ABL1: variants seen among roughly 807,000 people sequenced by gnomAD.
The protein encoded by ABL1 is tyrosine-protein kinase ABL1.
Under a neutral mutation model 94.7 loss-of-function variants are expected in ABL1, and 11 were observed. The ratio of observed to expected loss-of-function variants is 0.12; its 90% CI spans 0.07 to 0.19. The LOEUF (loss-of-function observed/expected upper bound fraction) is 0.19. Ranked by LOEUF, ABL1 falls within the 10% of genes least tolerant of loss-of-function variation. The pLI, the probability that ABL1 is intolerant of heterozygous loss-of-function variation, is 1.00. For missense variants in ABL1, 1,082 were observed against 1,489.4 expected (o/e 0.73, Z 4.50); for synonymous variants, 656 against 622.4 (o/e 1.05, Z -0.80).
rs575584641 is a variant in ABL1 at position 130,820,199 on chromosome 9, T to A, written c.137-33865T>A. ...TTCTTAACATTTTGATCTTAAGCAA[T>A]TTACCATGATACTTGGTTTCCATGA... On this transcript the variant is annotated intron_variant, in intron 1 of 10. Coordinates refer to the ABL1 transcript ENST00000372348. 8.5e-5 allele frequency among the ~76,000 whole-genome samples: 13 copies of A among 152,288 alleles called. No individual in the cohort carries two copies. In the South Asian group the frequency reaches 2.7e-3, roughly 32 times the overall value.
intron 1 of ABL1, among the ~76,000 whole-genome samples, chr9:130,768,908 T>C (rs563909686): frequency 1.6e-4 from 25 of 152,186 alleles, no homozygotes; most frequent in Non-Finnish European, 2.8e-4. Flanking sequence ...GATTGATGTG[T>C]TCAATGTGTT....
At chr9:130,764,515 T>C (rs919119102) in intron 1 of ABL1, among the ~76,000 whole-genome samples, 1 of 152,222 alleles carries the variant, frequency 6.6e-6, no homozygotes, top group Non-Finnish European at 1.5e-5. Context: ...CTCCTTCTGA[T>C]ATATGCATTC....
intron 3 of ABL1, among the ~76,000 whole-genome samples, chr9:130,859,923 C>T (rs550936615): frequency 1.3e-5 from 2 of 152,138 alleles, no homozygotes; most frequent in South Asian, 4.2e-4. Flanking sequence ...TCGTGATCTG[C>T]CCTCCTTGGC....
Position 130,714,150 on chromosome 9 carries a change from A to C in ABL1, c.-170A>C, listed in dbSNP as rs1831406300. The C allele has an allele frequency of 1.3e-5, 7 of 548,340 alleles. No homozygotes were observed. The Admixed American group carries it at 1.7e-4, about 13-fold the overall frequency. The allele number at this position is 548,340 out of a possible 1,614,324, so 34.0% of individuals were successfully genotyped here. Reference sequence around the variant, plus strand: ...TGCTTGCAAGTGTCAACCTAAAAAAAGTGCTTCCTTTTGTTATGGAAGATG... The same window carrying C: ...TGCTTGCAAGTGTCAACCTAAAAAACGTGCTTCCTTTTGTTATGGAAGATG... On this transcript the variant is annotated 5_prime_UTR_variant, in exon 1 of 11. Coordinates refer to the ABL1 transcript ENST00000372348.
At position 130,863,737 on chromosome 9, in the gene ABL1, C is replaced by T. The variant is rs1398842304; in HGVS notation, c.822+702C>T. Among the ~76,000 whole-genome samples the T allele has an allele frequency of 1.3e-5, 2 of 152,186 alleles. No homozygotes were observed. The highest frequency in any genetic ancestry group is 2.9e-5 in the Non-Finnish European group (2 of 68,038). The stretch of plus-strand genomic sequence containing the variant: ...GCCAAGGGAAGGAAGTTTTCATTTT[C>T]AGCCCTTTGCATTCTTCAAAATGTG... On this transcript the variant is annotated intron_variant, in intron 4 of 10. Coordinates refer to ENST00000318560, the MANE Select transcript of ABL1 (RefSeq NM_005157.6). This position sits in a 1 kb window ranked among gnomAD's most constrained non-coding sequence, Gnocchi z 4.3.
At chr9:130,881,688 G>C (rs1473760014) in intron 10 of ABL1, among the ~76,000 whole-genome samples, 1 of 152,094 alleles carries the variant, frequency 6.6e-6, no homozygotes, top group African/African-American at 2.4e-5. Context: ...TATTGGAGGT[G>C]GGGGGTAGGC....
intron 1 of ABL1, among the ~76,000 whole-genome samples, chr9:130,812,469 A>G (rs1320779110): frequency 1.3e-5 from 2 of 152,218 alleles, no homozygotes; most frequent in Non-Finnish European, 2.9e-5. Flanking sequence ...GAATATAAAA[A>G]TACAAATACG....
intron 1 of ABL1, among the ~76,000 whole-genome samples, chr9:130,737,170 G>A (rs10793967): frequency 0.32 from 49,029 of 152,010 alleles, 11,578 homozygotes; most frequent in African/African-American, 0.65. Context: ...GAAAACGACT[G>A]TTGAAATAGG....
At chr9:130,799,206 G>A (rs1385197861) in intron 1 of ABL1, among the ~76,000 whole-genome samples, 1 of 152,152 alleles carries the variant, frequency 6.6e-6, no homozygotes, top group Non-Finnish European at 1.5e-5. Flanking sequence ...TGGCCTCTTG[G>A]AGGTGTTTGC....
intron 1 of ABL1, among the ~76,000 whole-genome samples, chr9:130,784,048 T>C (rs1201781234): frequency 6.6e-6 from 1 of 152,192 alleles, no homozygotes; most frequent in Admixed American, 6.5e-5. Flanking sequence ...CCCATCTTGC[T>C]AGTTTCTTCT....
intron 1 of ABL1, among the ~76,000 whole-genome samples, chr9:130,735,945 A>ATG (rs1831731556): frequency 1.3e-5 from 1 of 78,266 alleles, no homozygotes; most frequent in East Asian, 6.7e-4. Flanking sequence ...ATATATATAT[A>ATG]TATATATATA....
chr9:130,729,834 C>G (rs1464880396), intron 1 of ABL1, among the ~76,000 whole-genome samples: 1 of 151,252 alleles, frequency 6.6e-6, no homozygotes, highest in Non-Finnish European at 1.5e-5. Flanking sequence ...CTCCTGGGTT[C>G]AAGCGATTCT....
At chr9:130,724,195 G>A (rs1014428913) in intron 1 of ABL1, among the ~76,000 whole-genome samples, 3 of 152,102 alleles carry the variant, frequency 2.0e-5, no homozygotes, top group African/African-American at 7.2e-5. Flanking sequence ...CTGCAGCCTC[G>A]AACTCCTCAA....
rs200035602 is a variant in ABL1 at position 130,872,822 on chromosome 9, G to A, written c.908-38G>A. The A allele has an allele frequency of 1.2e-5, 19 of 1,583,772 alleles. No individual in the cohort carries two copies. Among genetic ancestry groups the A allele is most frequent in the South Asian group, 4.5e-5 (4 of 87,920 alleles). On this transcript the variant is annotated intron_variant, in intron 5 of 10. Transcript: ENST00000318560. The surrounding 1 kb of genome is among the most constrained non-coding windows in gnomAD (Gnocchi z 5.0). ...GACAGTTGTTTGTTCAGTTGGGAGC[G>A]GAGCCACGTGTTGAAGTCCTCGTTG... is the stretch of plus-strand genomic sequence containing the variant.
intron 1 of ABL1, among the ~76,000 whole-genome samples, chr9:130,722,190 C>T (rs1403908269): frequency 6.6e-5 from 10 of 151,886 alleles, no homozygotes; most frequent in Non-Finnish European, 8.8e-5. Context: ...GTCAGGAGTT[C>T]GAGACCAGCC....
At chr9:130,735,967 T>TTC (rs1831736322) in intron 1 of ABL1, among the ~76,000 whole-genome samples, 2 of 122,320 alleles carry the variant, frequency 1.6e-5, no homozygotes, top group African/African-American at 7.3e-5. Context: ...ATATATTTTT[T>TTC]TTTTTTAAGA....
intron 10 of ABL1, among the ~76,000 whole-genome samples, chr9:130,882,166 G>A (rs2133030122): frequency 6.6e-6 from 1 of 152,232 alleles, no homozygotes; most frequent in East Asian, 1.9e-4. Context: ...GAGGCCTCTG[G>A]GAACGCTGTG....
At chr9:130,819,040 T>G (rs905146031) in intron 1 of ABL1, among the ~76,000 whole-genome samples, 1 of 152,132 alleles carries the variant, frequency 6.6e-6, no homozygotes, top group Non-Finnish European at 1.5e-5. Flanking sequence ...CTCAAGACTG[T>G]GCATCCTTGG....
chr9:130,763,314 ATT>A (rs2132753384), intron 1 of ABL1, among the ~76,000 whole-genome samples: 1 of 124,110 alleles, frequency 8.1e-6, no homozygotes, highest in Non-Finnish European at 1.6e-5. Flanking sequence ...TCCACTCAAC[ATT>A]TTTGTGGTTT....
Sources: gnomAD v4.1 joint callset for allele counts (sites outside exome capture counted in the v4.1 genomes callset) on GRCh38, gnomAD v4.1.1 for gene constraint, Gnocchi (gnomAD v3.1) non-coding constraint, MANE v1.5 for transcripts, NCBI Gene and HGNC (gene_info 2026-07-23, HGNC 2026-07-21) for gene names.